TANC2: variants seen among roughly 807,000 people sequenced by gnomAD.
TANC2 encodes the protein protein TANC2.
TANC2 carries 26 observed loss-of-function variants against 210.5 expected under a neutral mutation model. That is an observed-to-expected ratio of 0.12 (90% CI 0.09 to 0.17). The LOEUF is 0.17. TANC2 is among the 10% of genes least tolerant of loss of function. The pLI, the probability that TANC2 is intolerant of heterozygous loss-of-function variation, is 1.00. For missense variants in TANC2, 2,129 were observed against 2,608.9 expected (o/e 0.82, Z 4.01); for synonymous variants, 931 against 967.1 (o/e 0.96, Z 0.69).
intron 8 of TANC2, among the ~76,000 whole-genome samples, chr17:63,252,838 C>T (rs971178368): frequency 2.0e-5 from 3 of 152,028 alleles, no homozygotes; most frequent in Non-Finnish European, 4.4e-5. Context: ...GAGTCTCGCT[C>T]TGTTGCCCAG....
At chr17:63,096,926 T>G (rs2037407993) in intron 3 of TANC2, among the ~76,000 whole-genome samples, 1 of 152,164 alleles carries the variant, frequency 6.6e-6, no homozygotes, top group African/African-American at 2.4e-5. Flanking sequence ...GGGTATAAAG[T>G]GGTCTCTCAT....
chr17:63,051,311 T>C (rs973704336), intron 2 of TANC2, among the ~76,000 whole-genome samples: 5 of 152,206 alleles, frequency 3.3e-5, no homozygotes, highest in Non-Finnish European at 7.3e-5. Context: ...CTTTCATTTG[T>C]GTCTTTGCAA....
chr17:63,137,523 G>T (rs1314873902), intron 4 of TANC2, among the ~76,000 whole-genome samples: 1 of 152,170 alleles, frequency 6.6e-6, no homozygotes, highest in African/African-American at 2.4e-5. Context: ...TTAAATGGTT[G>T]TAGTCATTAT....
At chr17:63,425,614 A>G (rs535137312) in exon 28 of TANC2, 4 of 152,320 alleles carry the variant, frequency 2.6e-5, no homozygotes, top group African/African-American at 9.6e-5. Context: ...TTTTGTAGCA[A>G]AGAACAGCGG....
At chr17:63,411,875 C>T (rs2048714002) in intron 22 of TANC2, 123 bp from the exon 23 acceptor site, 2 of 1,458,400 alleles carry the variant, frequency 1.4e-6, no homozygotes, top group Admixed American at 2.2e-5. Flanking sequence ...GCCTGAAATA[C>T]ATGGCAGCAT....
chr17:63,233,646 G>A (rs1238664811), intron 7 of TANC2, among the ~76,000 whole-genome samples: 2 of 152,192 alleles, frequency 1.3e-5, no homozygotes, highest in African/African-American at 4.8e-5. Flanking sequence ...GCCTCCAAAC[G>A]CATATATTTC....
chr17:63,107,420 T>C (rs1010428621), intron 4 of TANC2, among the ~76,000 whole-genome samples: 1 of 151,694 alleles, frequency 6.6e-6, no homozygotes, highest in African/African-American at 2.4e-5. Context: ...ATACAATTCA[T>C]GAAGTAGATG....
chr17:63,178,125 A>C lies in TANC2; in HGVS notation c.434-15866A>C, dbSNP rs2040654113. On this transcript the variant is annotated intron_variant, in intron 5 of 27. Transcript: ENST00000689528. ...GGTGGGCGGGTCACAAGGTCAGGAGATCGAGACCATCGTGGCTAACACGGA... is the reference window on the plus strand; with the variant it reads ...GGTGGGCGGGTCACAAGGTCAGGAGCTCGAGACCATCGTGGCTAACACGGA... Among the ~76,000 whole-genome samples, 2 of 152,138 alleles carry C rather than the reference A, an allele frequency of 1.3e-5. 1 individual carries two copies. The highest frequency in any genetic ancestry group is 4.1e-4 in the South Asian group (2 of 4,828).
At chr17:63,128,272 G>A (rs1294752925) in intron 4 of TANC2, among the ~76,000 whole-genome samples, 1 of 152,048 alleles carries the variant, frequency 6.6e-6, no homozygotes, top group Non-Finnish European at 1.5e-5. Flanking sequence ...TAGGATAAAT[G>A]CTTGAGGTGA....
chr17:62,985,943 C>T (rs1461719294), intron 1 of TANC2, among the ~76,000 whole-genome samples: 1 of 152,032 alleles, frequency 6.6e-6, no homozygotes. Flanking sequence ...TGATGTGTCC[C>T]TACATTGATT....
At chr17:63,215,538 A>T (rs1454427837) in intron 7 of TANC2, among the ~76,000 whole-genome samples, 1 of 152,076 alleles carries the variant, frequency 6.6e-6, no homozygotes, top group African/African-American at 2.4e-5. Flanking sequence ...GAGGCTAGAG[A>T]TTGAGTTAAT....
At chr17:63,333,308 A>C (rs2045921403) in intron 11 of TANC2, among the ~76,000 whole-genome samples, 1 of 152,188 alleles carries the variant, frequency 6.6e-6, no homozygotes, top group Non-Finnish European at 1.5e-5. Flanking sequence ...TAACATTACT[A>C]GGAGTTTGGA....
At chr17:63,233,479 T>C (rs1010884224) in intron 7 of TANC2, among the ~76,000 whole-genome samples, 1 of 152,204 alleles carries the variant, frequency 6.6e-6, no homozygotes, top group Non-Finnish European at 1.5e-5. Context: ...GAGCTCCCCT[T>C]GCCCTGTGTG....
intron 1 of TANC2, among the ~76,000 whole-genome samples, chr17:62,983,023 G>A (rs2032380843): frequency 6.6e-6 from 1 of 152,106 alleles, no homozygotes; most frequent in African/African-American, 2.4e-5. Context: ...TTTTGGTAGG[G>A]ATTCTATTGA....
rs145762647 is a variant in TANC2, at chr17:63,274,781, A to G, written c.1159+6908A>G. 8.0e-3 allele frequency among the ~76,000 whole-genome samples: 1,220 copies of G among 152,202 alleles called. 11 individuals carry two copies. The highest frequency in any genetic ancestry group is 0.031 in the Middle Eastern group (9 of 294). On this transcript the variant is annotated intron_variant, in intron 9 of 27. Transcript: ENST00000689528. ...TGCAGTGAGCCAAGATCGTGCCACT[A>G]CACTCCAGCCTGGGCAACAGTCTCA... is the stretch of plus-strand genomic sequence containing the variant.
At chr17:63,086,183 GT>G (rs2036958989) in intron 3 of TANC2, among the ~76,000 whole-genome samples, 1 of 151,920 alleles carries the variant, frequency 6.6e-6, no homozygotes, top group South Asian at 2.1e-4. Flanking sequence ...ATTTTCTGAA[GT>G]TTGAATGTGT....
At chr17:63,202,402 A>G (rs571440584) in intron 7 of TANC2, among the ~76,000 whole-genome samples, 3 of 152,292 alleles carry the variant, frequency 2.0e-5, no homozygotes, top group East Asian at 3.9e-4. Flanking sequence ...CCAGATGATG[A>G]CAGTGTCATA....
At chr17:63,159,316 A>G (rs964205019) in intron 5 of TANC2, among the ~76,000 whole-genome samples, 1 of 152,198 alleles carries the variant, frequency 6.6e-6, no homozygotes, top group East Asian at 1.9e-4. Flanking sequence ...TCTATTGGAA[A>G]CATAAGTACT....
chr17:63,198,635 A>T (rs769681593), intron 6 of TANC2, among the ~76,000 whole-genome samples: 2 of 152,212 alleles, frequency 1.3e-5, no homozygotes, highest in African/African-American at 4.8e-5. Flanking sequence ...AAGGATTCCA[A>T]TTCCAATTCA....
Sources: gnomAD v4.1 joint callset for allele counts (sites outside exome capture counted in the v4.1 genomes callset) on GRCh38, gnomAD v4.1.1 for gene constraint, MANE v1.5 for transcripts, NCBI Gene and HGNC (gene_info 2026-07-23, HGNC 2026-07-21) for gene names.